ARHGAP5: variants seen among roughly 807,000 people sequenced by gnomAD.
The protein encoded by ARHGAP5 is Rho GTPase activating protein 5, also known as rho GTPase-activating protein 5.
Under a neutral mutation model 116.6 loss-of-function variants are expected in ARHGAP5, and 23 were observed. The observed-to-expected ratio is 0.20, with a 90% CI of 0.14 to 0.28. The LOEUF is 0.28. Among genes scored for constraint, ARHGAP5 ranks in the 10% least tolerant of loss-of-function variants. The probability of loss-of-function intolerance (pLI) is 1.00; values close to 1 mark genes in which losing one functional copy is unlikely to be tolerated. For synonymous variants in ARHGAP5, 574 were observed against 602.0 expected, an observed-to-expected ratio of 0.95 and a Z score of 0.68; for missense variants, 1,405 against 1,774.8, an observed-to-expected ratio of 0.79 and a Z score of 3.74.
intron 3 of ARHGAP5, among the ~76,000 whole-genome samples, chr14:32,137,428 A>G (rs1880863621): frequency 6.6e-6 from 1 of 151,774 alleles, no homozygotes; most frequent in South Asian, 2.1e-4. Context: ...ATTGATCTGT[A>G]TATTATACTT....
At chr14:32,094,503 C>A (rs1878429308) in intron 2 of ARHGAP5, 117 bp downstream of exon 2, 3 of 723,816 alleles carry the variant, frequency 4.1e-6, no homozygotes, top group Non-Finnish European at 2.1e-6. Flanking sequence ...AATTAGTAGC[C>A]CTTTTTAATT....
chr14:32,093,889 A>T lies in ARHGAP5; in HGVS notation c.3220A>T (p.Thr1074Ser), dbSNP rs775985492. 1.9e-6 allele frequency: 3 copies of T among 1,614,032 alleles called. No homozygotes were observed. Among genetic ancestry groups the T allele is most frequent in the African/African-American group, 2.7e-5 (2 of 74,940 alleles). Residue 1074 changes from threonine to serine, a missense_variant, in exon 2 of 7, where the codon ACT becomes TCT. Coordinates refer to ENST00000345122, the MANE Select transcript of ARHGAP5 (RefSeq NM_001030055.2). Reference protein sequence around the residue: ...AGIGKNPRKQTSRVPLAHPED... With the variant: ...AGIGKNPRKQSSRVPLAHPED... ...TATTGGTAAAAATCCAAGAAAGCAGACTTCCCGGGTGCCTTTGGCACATCC... is the reference window on the plus strand; with the variant it reads ...TATTGGTAAAAATCCAAGAAAGCAGTCTTCCCGGGTGCCTTTGGCACATCC...
At chr14:32,089,466 C>T (rs2041862943) in intron 1 of ARHGAP5, among the ~76,000 whole-genome samples, 1 of 151,650 alleles carries the variant, frequency 6.6e-6, no homozygotes, top group Admixed American at 6.6e-5. Flanking sequence ...TTAATTTGGC[C>T]TCAAAAGAAT....
At chr14:32,118,612 T>C (rs1879724426) in intron 3 of ARHGAP5, among the ~76,000 whole-genome samples, 1 of 152,242 alleles carries the variant, frequency 6.6e-6, no homozygotes, top group Non-Finnish European at 1.5e-5. Flanking sequence ...TTGAATATGC[T>C]CTTTATCATT....
intron 2 of ARHGAP5, among the ~76,000 whole-genome samples, chr14:32,099,885 T>C (rs1878711569): frequency 6.6e-6 from 1 of 152,202 alleles, no homozygotes; most frequent in South Asian, 2.1e-4. Context: ...AGCTTCGTTG[T>C]CATTCTTACC....
chr14:32,117,933 A>C (rs1879686479), intron 3 of ARHGAP5, among the ~76,000 whole-genome samples: 1 of 152,192 alleles, frequency 6.6e-6, no homozygotes, highest in Non-Finnish European at 1.5e-5. Flanking sequence ...TTTTGAGTGC[A>C]TTTAAAATGA....
rs1226156274 is a variant in ARHGAP5, at chr14:32,123,414, T to C, written c.3865+6127T>C. Reference sequence around the variant, plus strand: ...AATGCCATTTAAGTCTTTCTTTTTATGTGTTCATTTCTATACCCATTATAT... The same window carrying C: ...AATGCCATTTAAGTCTTTCTTTTTACGTGTTCATTTCTATACCCATTATAT... On this transcript the variant is annotated intron_variant, in intron 3 of 6. Coordinates refer to ENST00000345122, the MANE Select transcript of ARHGAP5 (RefSeq NM_001030055.2). Among the ~76,000 whole-genome samples the C allele has an allele frequency of 1.3e-5, 2 of 152,104 alleles. 1 individual carries two copies. The highest frequency in any genetic ancestry group is 2.9e-5 in the Non-Finnish European group (2 of 67,982).
intron 3 of ARHGAP5, among the ~76,000 whole-genome samples, chr14:32,136,402 G>A (rs189197596): frequency 3.3e-5 from 5 of 152,084 alleles, no homozygotes; most frequent in African/African-American, 1.2e-4. Context: ...CTTTCATTTA[G>A]CATATTATTT....
At chr14:32,110,982 A>T (rs886447169) in intron 2 of ARHGAP5, among the ~76,000 whole-genome samples, 4 of 152,234 alleles carry the variant, frequency 2.6e-5, no homozygotes, top group African/African-American at 9.6e-5. Context: ...CTTAGACTTT[A>T]AACTGATGTT....
chr14:32,093,255 G>C lies in ARHGAP5; in HGVS notation c.2586G>C (p.Ser862=), dbSNP rs139734756. 61 of 1,613,478 alleles carry C rather than the reference G, an allele frequency of 3.8e-5. No individual in the cohort carries two copies. Among genetic ancestry groups the C allele is most frequent in the Non-Finnish European group, 4.8e-5 (57 of 1,179,812 alleles). The change falls in exon 2 of 7, where the codon TCG becomes TCC. Residue 862 remains serine, a synonymous_variant. Transcript: ENST00000345122. Reference sequence around the variant, plus strand: ...TTTACTCTGCAAAACGGAAAGCTTCGATGGGAATGCTTCGAGCATTTCTAT... The same window carrying C: ...TTTACTCTGCAAAACGGAAAGCTTCCATGGGAATGCTTCGAGCATTTCTAT... The part of the protein sequence containing the change: ...ILVYSAKRKA[S]MGMLRAFLSE...
In ARHGAP5 at chr14:32,092,708, C is replaced by A. The variant is rs765834943; in HGVS notation, c.2039C>A (p.Thr680Asn). The change falls in exon 2 of 7, where the codon ACT (threonine) becomes AAT (asparagine). Residue 680 changes from threonine (T) to asparagine (N), a missense_variant. By Grantham distance (65) the Thr-to-Asn change is moderately conservative. Transcript: ENST00000345122. This position sits in a 1 kb window ranked among gnomAD's most constrained non-coding sequence, Gnocchi z 4.1. The stretch of plus-strand genomic sequence containing the variant: ...GGGGAATTTATTGGGAAAATAAGAA[C>A]TGAAGCTTCTCAGATCAGAAAAGAT... ...FIGEFIGKIR[T>N]EASQIRKDKY... 1.4e-5 allele frequency: 23 copies of A among 1,613,608 alleles called. No homozygotes were observed. In the South Asian group the frequency reaches 2.4e-4, roughly 17 times the overall value.
chr14:32,082,890 A>T (rs2041791950), intron 1 of ARHGAP5, among the ~76,000 whole-genome samples: 1 of 152,150 alleles, frequency 6.6e-6, no homozygotes, highest in Non-Finnish European at 1.5e-5. Context: ...AGCCTGTAGT[A>T]TTTGTCTATC....
At chr14:32,138,127 TC>T (rs1191825086) in intron 3 of ARHGAP5, among the ~76,000 whole-genome samples, 1 of 152,192 alleles carries the variant, frequency 6.6e-6, no homozygotes, top group Non-Finnish European at 1.5e-5. Flanking sequence ...GGTATTTTAT[TC>T]TTTAGGATGC....
chr14:32,095,814 G>C (rs1187767826), intron 2 of ARHGAP5, among the ~76,000 whole-genome samples: 2 of 152,062 alleles, frequency 1.3e-5, no homozygotes, highest in African/African-American at 4.8e-5. Context: ...GTTATCACTA[G>C]TACCATTTTA....
rs542308561 is a variant in ARHGAP5 at position 32,124,082 on chromosome 14, A to G, written c.3865+6795A>G. On this transcript the variant is annotated intron_variant, in intron 3 of 6. Coordinates refer to ENST00000345122, the MANE Select transcript of ARHGAP5 (RefSeq NM_001030055.2). ...CTACCCCACAAATTCTAGCCTTCTC[A>G]GTCTTTCTGAACTCTCTTCTCTCTT... Among the ~76,000 whole-genome samples, 11 of 152,194 alleles carry G rather than the reference A, an allele frequency of 7.2e-5. No individual in the cohort carries two copies. The East Asian group carries it at 2.1e-3, about 29-fold the overall frequency.
In ARHGAP5 at chr14:32,090,559, G is replaced by C; in HGVS notation, c.-111G>C. 3.1e-6 allele frequency: 3 copies of C among 973,952 alleles called. No individual in the cohort carries two copies. Among genetic ancestry groups the C allele is most frequent in the Non-Finnish European group, 4.5e-6 (3 of 659,526 alleles). The allele number at this position is 973,952 out of a possible 1,614,324, so 60.3% of individuals were successfully genotyped here. A position where few individuals can be genotyped will look rare whatever the true frequency, so the allele number is the denominator to read the frequency against. On this transcript the variant is annotated 5_prime_UTR_variant, in exon 2 of 7. Transcript: ENST00000345122. Reference sequence around the variant, plus strand: ...TGCACAGAAATGAGGGAAATACAAAGAACCAAATACAGTTCTGAAATTTGG... The same window carrying C: ...TGCACAGAAATGAGGGAAATACAAACAACCAAATACAGTTCTGAAATTTGG...
chr14:32,128,419 A>G (rs890789713), intron 3 of ARHGAP5, among the ~76,000 whole-genome samples: 2 of 152,246 alleles, frequency 1.3e-5, no homozygotes, highest in Non-Finnish European at 2.9e-5. Flanking sequence ...CCTCACACCA[A>G]CTTGCAAGGG....
rs879687026 is a variant in ARHGAP5 at position 32,143,239 on chromosome 14, G to GTTATTA, written c.3866-3009_3866-3004dup. Reference sequence around the variant, plus strand: ...TGTTGTTGTTGTTGTTGTTGTTGTTGTTATTATTATTATTATTATTTGAGA... The same window carrying GTTATTA: ...TGTTGTTGTTGTTGTTGTTGTTGTTGTTATTATTATTATTATTATTATTATTTGAGA... On this transcript the variant is annotated intron_variant, in intron 3 of 6. Coordinates refer to ENST00000345122, the MANE Select transcript of ARHGAP5 (RefSeq NM_001030055.2). 7.9e-3 allele frequency among the ~76,000 whole-genome samples: 1,133 copies of GTTATTA among 143,938 alleles called. 20 individuals carry two copies. The highest frequency in any genetic ancestry group is 0.028 in the African/African-American group (1,035 of 37,098). The allele number at this position is 143,938 out of a possible 152,430, so 94.4% of individuals were successfully genotyped here.
intron 3 of ARHGAP5, among the ~76,000 whole-genome samples, chr14:32,138,971 C>A (rs1377507624): frequency 6.6e-6 from 1 of 151,930 alleles, no homozygotes; most frequent in Non-Finnish European, 1.5e-5. Flanking sequence ...TGGTTCCCCC[C>A]ACCCCCTGCT....
Sources: allele counts gnomAD v4.1 joint callset (sites outside exome capture counted in the v4.1 genomes callset), GRCh38; gene constraint gnomAD v4.1.1; non-coding constraint Gnocchi (gnomAD v3.1); transcripts MANE v1.5; gene names NCBI Gene and HGNC (gene_info 2026-07-23, HGNC 2026-07-21).